Variants in CFAP299 observed in about 807,000 individuals in gnomAD.
CFAP299 encodes the protein cilia- and flagella-associated protein 299.
Under a neutral mutation model 27.0 loss-of-function variants are expected in CFAP299, and 21 were observed. The observed-to-expected ratio is 0.78, with a 90% confidence interval of 0.55 to 1.12. CFAP299 has a LOEUF of 1.12. Ranked by LOEUF, CFAP299 falls within the 50% of genes most tolerant of loss-of-function variation. CFAP299 has a pLI of 0.00. For missense variants in CFAP299, 310 were observed against 276.6 expected, an observed-to-expected ratio of 1.12 and a Z score of -0.86; for synonymous variants, 104 against 98.1, an observed-to-expected ratio of 1.06 and a Z score of -0.36.
chr4:80,857,057 G>C (rs1233881244), intron 3 of CFAP299, among the ~76,000 whole-genome samples: 1 of 152,090 alleles, frequency 6.6e-6, no homozygotes, highest in African/African-American at 2.4e-5. Flanking sequence ...TCTTCCATTT[G>C]TTTGTATCCT....
chr4:80,777,771 C>A (rs1317712256), intron 3 of CFAP299, among the ~76,000 whole-genome samples: 2 of 151,996 alleles, frequency 1.3e-5, no homozygotes, highest in South Asian at 4.1e-4. Flanking sequence ...GGGCCCTTAA[C>A]TCTTAGAGAG....
intron 3 of CFAP299, among the ~76,000 whole-genome samples, chr4:80,791,670 G>C (rs911714398): frequency 3.3e-5 from 5 of 151,874 alleles, no homozygotes; most frequent in Non-Finnish European, 5.9e-5. Context: ...CCCTAAATAT[G>C]TGCAAGCTGA....
At chr4:80,458,694 A>AT (rs1187677883) in intron 2 of CFAP299, among the ~76,000 whole-genome samples, 1 of 152,202 alleles carries the variant, frequency 6.6e-6, no homozygotes, top group Non-Finnish European at 1.5e-5. Flanking sequence ...TGGATGTGAC[A>AT]TTTTAAAAAT....
intron 2 of CFAP299, among the ~76,000 whole-genome samples, chr4:80,398,674 T>C (rs968988786): frequency 6.6e-6 from 1 of 152,196 alleles, no homozygotes; most frequent in African/African-American, 2.4e-5. Context: ...CCTTACACCT[T>C]ATACTAAAAT....
intron 3 of CFAP299, among the ~76,000 whole-genome samples, chr4:80,800,771 A>ACATATGTATACATATATATG (rs1231549705): frequency 3.8e-5 from 5 of 132,882 alleles, no homozygotes; most frequent in African/African-American, 1.2e-4. Flanking sequence ...GTGTGTGTAT[A>ACATATGTATACATATATATG]TATATATATG....
intron 3 of CFAP299, among the ~76,000 whole-genome samples, chr4:80,800,405 A>G (rs1728403952): frequency 1.6e-5 from 1 of 62,192 alleles, no homozygotes; most frequent in South Asian, 5.5e-4. Context: ...TATAATATAT[A>G]TTGATATATT....
intron 4 of CFAP299, among the ~76,000 whole-genome samples, chr4:80,879,141 C>A (rs984874603): frequency 4.6e-5 from 7 of 152,024 alleles, no homozygotes; most frequent in Admixed American, 3.9e-4. Flanking sequence ...GTAAATGATG[C>A]TTCAGGGGAC....
At chr4:80,763,190 T>C (rs1725638063) in intron 3 of CFAP299, among the ~76,000 whole-genome samples, 1 of 152,232 alleles carries the variant, frequency 6.6e-6, no homozygotes, top group Non-Finnish European at 1.5e-5. Context: ...GACGTGATTG[T>C]ATATTTAGAA....
At chr4:80,800,619 A>C (rs1280160982) in intron 3 of CFAP299, among the ~76,000 whole-genome samples, 8 of 98,230 alleles carry the variant, frequency 8.1e-5, no homozygotes, top group East Asian at 5.0e-4. Flanking sequence ...TATAATATAT[A>C]ATATATTAAT....
intron 2 of CFAP299, among the ~76,000 whole-genome samples, chr4:80,496,442 T>A (rs918262895): frequency 6.6e-6 from 1 of 152,214 alleles, no homozygotes; most frequent in Non-Finnish European, 1.5e-5. Flanking sequence ...TGACCTTTGC[T>A]CCAGTTCCCA....
intron 3 of CFAP299, among the ~76,000 whole-genome samples, chr4:80,630,797 A>T (rs906277726): frequency 2.6e-5 from 4 of 152,066 alleles, no homozygotes; most frequent in African/African-American, 4.8e-5. Flanking sequence ...ATTTTCCATG[A>T]AACAAATGCC....
intron 4 of CFAP299, among the ~76,000 whole-genome samples, chr4:80,914,433 T>C (rs570249516): frequency 6.6e-6 from 1 of 152,270 alleles, no homozygotes; most frequent in East Asian, 1.9e-4. Flanking sequence ...ATAATTTTTG[T>C]CCTGTGCATT....
chr4:80,892,473 A>G (rs1560465697), intron 4 of CFAP299, among the ~76,000 whole-genome samples: 2 of 152,210 alleles, frequency 1.3e-5, no homozygotes, highest in East Asian at 1.9e-4. Flanking sequence ...AATACCCCAC[A>G]AGCACAGGCA....
At chr4:80,800,612 A>T (rs1160549091) in intron 3 of CFAP299, among the ~76,000 whole-genome samples, 2 of 99,434 alleles carry the variant, frequency 2.0e-5, no homozygotes, top group African/African-American at 4.2e-5. Flanking sequence ...ATAAATATAT[A>T]ATATATAATA....
chr4:80,497,309 A>G (rs1014272469), intron 2 of CFAP299, among the ~76,000 whole-genome samples: 1 of 152,196 alleles, frequency 6.6e-6, no homozygotes, highest in African/African-American at 2.4e-5. Flanking sequence ...TCAAAGTAAT[A>G]GTGTAATTTT....
At chr4:80,745,562 A>T (rs1451990699) in intron 3 of CFAP299, among the ~76,000 whole-genome samples, 1 of 152,118 alleles carries the variant, frequency 6.6e-6, no homozygotes, top group Admixed American at 6.6e-5. Flanking sequence ...ATTTTAGAAA[A>T]GGTGTAGATT....
rs1205529370 is a variant in CFAP299 at position 80,572,520 on chromosome 4, T to TTTTTTTTTTTTTTG, written c.243-10560_243-10559insGTTTTTTTTTTTTT. Among the ~76,000 whole-genome samples the TTTTTTTTTTTTTTG allele has an allele frequency of 2.4e-5, 3 of 125,248 alleles. 1 individual carries two copies. Among genetic ancestry groups the TTTTTTTTTTTTTTG allele is most frequent in the Non-Finnish European group, 5.2e-5 (3 of 57,970 alleles). The allele number at this position is 125,248 out of a possible 152,430, so 82.2% of individuals were successfully genotyped here. ...GACTGGATCCCAGTTTTTTTTTTTT[T>TTTTTTTTTTTTTTG]TTTTTTTTTTTTTTTGAGAGGGAGT... is the stretch of plus-strand genomic sequence containing the variant. On this transcript the variant is annotated intron_variant, in intron 2 of 5. Coordinates refer to ENST00000358105, the MANE Select transcript of CFAP299 (RefSeq NM_152770.3).
chr4:80,364,814 G>C (rs1159365325), intron 2 of CFAP299, among the ~76,000 whole-genome samples: 1 of 152,164 alleles, frequency 6.6e-6, no homozygotes, highest in Non-Finnish European at 1.5e-5. Flanking sequence ...CTGTCTATGT[G>C]TTCTCATCAT....
intron 3 of CFAP299, among the ~76,000 whole-genome samples, chr4:80,796,826 T>C (rs1256621789): frequency 6.6e-6 from 1 of 152,152 alleles, no homozygotes. Flanking sequence ...TAGCTAAAAT[T>C]AACTCTAATC....
Sources: gnomAD v4.1 joint callset for allele counts (sites outside exome capture counted in the v4.1 genomes callset) on GRCh38, gnomAD v4.1.1 for gene constraint, MANE v1.5 for transcripts, NCBI Gene and HGNC (gene_info 2026-07-23, HGNC 2026-07-21) for gene names.